The following ZNF248 variants were observed in gnomAD, a reference collection of about 807,000 sequenced individuals.
The protein encoded by ZNF248 is KRAB protein domain.
In ZNF248, 20 loss-of-function variants were observed where a neutral mutation model predicts 44.3. That is an observed-to-expected ratio of 0.45 (90% CI 0.32 to 0.66). The LOEUF is 0.66. Ranked by LOEUF, ZNF248 falls within the 30% of genes least tolerant of loss-of-function variation. ZNF248 has a pLI of 0.04. For synonymous variants in ZNF248, 224 were observed against 229.0 expected (o/e 0.98, Z 0.20); for missense variants, 654 against 677.0 (o/e 0.97, Z 0.38).
Position 37,778,028 on chromosome 10 carries a change from T to C in ZNF248, c.331-1453A>G, listed in dbSNP as rs1489830949. ...CATGTGTCTTTATAGCAGCATGATTTATAGTCCTTTGGGTATATACCCAGT... is the reference window on the plus strand; with the variant it reads ...CATGTGTCTTTATAGCAGCATGATTCATAGTCCTTTGGGTATATACCCAGT... On this transcript the variant is annotated intron_variant, in intron 6 of 6. Coordinates refer to the ZNF248 transcript ENST00000615949. 1.1e-4 allele frequency among the ~76,000 whole-genome samples: 16 copies of C among 152,286 alleles called. No individual in the cohort carries two copies. In the East Asian group the frequency reaches 3.1e-3, roughly 29 times the overall value.
rs371787879 is a variant in ZNF248 at position 37,830,617 on chromosome 10, T to A, written c.*998A>T. On this transcript the variant is annotated 3_prime_UTR_variant, in exon 6 of 6. Coordinates refer to ENST00000395867, the MANE Select transcript of ZNF248 (RefSeq NM_021045.3). ...ATACGTTTTCATATATACACAGTGA[T>A]GTGCTGTAAATATTTGACAGCAGGT... is the stretch of plus-strand genomic sequence containing the variant. The A allele has an allele frequency of 1.4e-5, 14 of 985,046 alleles. 1 individual carries two copies. The African/African-American group carries it at 1.6e-4, about 11-fold the overall frequency. 61.0% of individuals were successfully genotyped at this position (985,046 alleles called of 1,614,324 possible). A position where few individuals can be genotyped will look rare whatever the true frequency, so the allele number is the denominator to read the frequency against.
downstream of ZNF248, among the ~76,000 whole-genome samples, chr10:37,775,211 A>G (rs548591791): frequency 2.0e-4 from 30 of 151,442 alleles, no homozygotes; most frequent in African/African-American, 7.0e-4. Context: ...AATTATCTTG[A>G]TATCTTTATA....
downstream of ZNF248, among the ~76,000 whole-genome samples, chr10:37,825,844 ACT>A (rs1268165950): frequency 1.3e-5 from 2 of 151,442 alleles, no homozygotes; most frequent in Non-Finnish European, 2.9e-5. Context: ...CAGAGAGTAG[ACT>A]CTGAGAAATT....
rs533818941 is a variant in ZNF248, at chr10:37,821,535, C to G, written c.330+11490G>C. On this transcript the variant is annotated intron_variant, in intron 6 of 6. Coordinates refer to the ZNF248 transcript ENST00000615949. ...CATTCAAGAGCCTCACTCCGCAGTA[C>G]AGACAGCTGCAGAGGGTCAGTTCTT... 1.5e-3 allele frequency among the ~76,000 whole-genome samples: 223 copies of G among 152,302 alleles called. 2 individuals carry two copies. The highest frequency in any genetic ancestry group is 2.1e-3 in the Non-Finnish European group (140 of 68,020).
chr10:37,785,577 T>G (rs540960476), intron 6 of ZNF248, among the ~76,000 whole-genome samples: 1 of 152,294 alleles, frequency 6.6e-6, no homozygotes, highest in South Asian at 2.1e-4. Flanking sequence ...TCAATAGAGA[T>G]CTTTCTCTCT....
At chr10:37,804,095 CTTTTTCTTTTT>C (rs1316555860) in intron 6 of ZNF248, among the ~76,000 whole-genome samples, 2 of 51,778 alleles carry the variant, frequency 3.9e-5, no homozygotes, top group African/African-American at 9.0e-5. Context: ...TTTCCTTTTT[CTTTTTCTTTTT>C]TTTTTTTTTT....
chr10:37,853,775 A>G (rs2060759971), intron 3 of ZNF248, among the ~76,000 whole-genome samples: 1 of 152,228 alleles, frequency 6.6e-6, no homozygotes, highest in East Asian at 1.9e-4. Context: ...CAAAATGAAG[A>G]AACACAGACA....
intron 6 of ZNF248, chr10:37,820,208 G>A: frequency 1.5e-6 from 2 of 1,292,190 alleles, no homozygotes; most frequent in Admixed American, 1.7e-5. Flanking sequence ...TTTATATTGT[G>A]AGGTCGGACT....
intron 3 of ZNF248, among the ~76,000 whole-genome samples, chr10:37,851,003 T>G (rs1421437670): frequency 6.6e-6 from 1 of 152,094 alleles, no homozygotes; most frequent in Non-Finnish European, 1.5e-5. Flanking sequence ...CCTGAAAAGA[T>G]AAGCTACCAA....
At chr10:37,792,252 T>C (rs2048649556) in intron 6 of ZNF248, among the ~76,000 whole-genome samples, 1 of 152,288 alleles carries the variant, frequency 6.6e-6, no homozygotes, top group South Asian at 2.1e-4. Flanking sequence ...ACTGCCAGGG[T>C]GCCATCATGG....
chr10:37,767,988 A>C, the ZNF248 span, among the ~76,000 whole-genome samples: 1 of 152,220 alleles, frequency 6.6e-6, no homozygotes, highest in African/African-American at 2.4e-5. Flanking sequence ...AGTCTCTGAT[A>C]AAACAGACTT....
In ZNF248 at chr10:37,830,253, T is replaced by G; in HGVS notation, c.*1362A>C. On this transcript the variant is annotated 3_prime_UTR_variant, in exon 6 of 6. Transcript: ENST00000395867. ...TATTAACAACATTTACATTACAGAA[T>G]GACCCAGAGGTAGCTGAAAAACCTC... 1.0e-6 allele frequency: 1 copy of G among 985,420 alleles called. No individual in the cohort carries two copies. Among genetic ancestry groups the G allele is most frequent in the Non-Finnish European group, 1.2e-6 (1 of 829,926 alleles). The allele number at this position is 985,420 out of a possible 1,614,324, so 61.0% of individuals were successfully genotyped here.
chr10:37,787,499 G>A (rs773164154), intron 6 of ZNF248, among the ~76,000 whole-genome samples: 7 of 127,680 alleles, frequency 5.5e-5, no homozygotes, highest in Admixed American at 1.7e-4. Flanking sequence ...TATGTTTTTC[G>A]GTTTTTGGTT....
chr10:37,785,151 C>T (rs140171025), intron 6 of ZNF248, among the ~76,000 whole-genome samples: 1 of 152,236 alleles, frequency 6.6e-6, no homozygotes, highest in Non-Finnish European at 1.5e-5. Context: ...TCCAATGGCA[C>T]TGAAGTTCTC....
Position 37,788,974 on chromosome 10 carries a change from C to T in ZNF248, c.331-12399G>A, listed in dbSNP as rs185933044. ...GCAACCTCTGCTTCCTGGGTTCAAG[C>T]GATTCTCCCACCTCAGCCTCCTAAG... On this transcript the variant is annotated intron_variant, in intron 6 of 6. Coordinates refer to the ZNF248 transcript ENST00000615949. Among the ~76,000 whole-genome samples, 11 of 151,986 alleles carry T rather than the reference C, an allele frequency of 7.2e-5. No homozygotes were observed. The East Asian group carries it at 1.6e-3, about 21-fold the overall frequency.
chr10:37,767,024 G>A, the ZNF248 span, among the ~76,000 whole-genome samples: 2 of 152,166 alleles, frequency 1.3e-5, no homozygotes, highest in Admixed American at 6.5e-5. Flanking sequence ...AAGGGTATCA[G>A]TGATGGAAGA....
At chr10:37,825,715 A>G (rs1335606563), downstream of ZNF248, among the ~76,000 whole-genome samples, 1 of 152,176 alleles carries the variant, frequency 6.6e-6, no homozygotes, top group Non-Finnish European at 1.5e-5. Flanking sequence ...TGCTGGGATT[A>G]GAGGCATGAG....
downstream of ZNF248, among the ~76,000 whole-genome samples, chr10:37,775,141 G>A (rs10508861): frequency 0.24 from 37,149 of 151,996 alleles, 4,709 homozygotes; most frequent in East Asian, 0.4. Flanking sequence ...AAGTCTGCAC[G>A]TTACTAATAA....
At chr10:37,808,628 C>T (rs533248651) in intron 6 of ZNF248, among the ~76,000 whole-genome samples, 1 of 152,090 alleles carries the variant, frequency 6.6e-6, no homozygotes, top group South Asian at 2.1e-4. Context: ...AGTTTGGTAG[C>T]ATTTGTTGAA....
Sources: gnomAD v4.1 joint callset for allele counts (sites outside exome capture counted in the v4.1 genomes callset) on GRCh38, gnomAD v4.1.1 for gene constraint, MANE v1.5 for transcripts, NCBI Gene and HGNC (gene_info 2026-07-23, HGNC 2026-07-21) for gene names.